MACROD2: variants seen among roughly 807,000 people sequenced by gnomAD.
The protein encoded by MACROD2 is mono-ADP ribosylhydrolase 2.
A neutral mutation model predicts 70.4 loss-of-function variants in MACROD2; 36 were observed. The ratio of observed to expected loss-of-function variants is 0.51; its 90% CI spans 0.39 to 0.68. MACROD2 has a LOEUF of 0.68. Ranked by LOEUF, MACROD2 falls within the 30% of genes least tolerant of loss-of-function variation. The probability of loss-of-function intolerance (pLI) is 0.00; values close to 1 mark genes in which losing one functional copy is unlikely to be tolerated. For synonymous variants in MACROD2, 172 were observed against 178.8 expected (o/e 0.96, Z 0.30); for missense variants, 496 against 538.4 (o/e 0.92, Z 0.78).
intron 5 of MACROD2, among the ~76,000 whole-genome samples, chr20:15,068,375 G>T (rs886974295): frequency 6.6e-6 from 1 of 152,150 alleles, no homozygotes; most frequent in African/African-American, 2.4e-5. Context: ...CCATTGGTGT[G>T]CACAGAACAA....
intron 8 of MACROD2, among the ~76,000 whole-genome samples, chr20:15,808,093 G>A (rs958811796): frequency 6.6e-4 from 100 of 151,984 alleles, no homozygotes; most frequent in African/African-American, 2.3e-3. Context: ...ACCCTGTCAC[G>A]CGGACCCCCT....
intron 3 of MACROD2, among the ~76,000 whole-genome samples, chr20:14,313,816 C>G (rs1414483612): frequency 6.6e-6 from 1 of 152,156 alleles, no homozygotes; most frequent in East Asian, 1.9e-4. Context: ...AGTGAATAGA[C>G]TGTCTCTCTC....
intron 8 of MACROD2, among the ~76,000 whole-genome samples, chr20:15,642,597 AACAC>A (rs56698663): frequency 0.097 from 14,241 of 146,912 alleles, 741 homozygotes; most frequent in Middle Eastern, 0.15. Flanking sequence ...ACCTGTCATG[AACAC>A]ACACACACAC....
chr20:15,561,394 A>G (rs970415241), intron 8 of MACROD2, among the ~76,000 whole-genome samples: 2 of 152,164 alleles, frequency 1.3e-5, no homozygotes, highest in East Asian at 3.9e-4. Flanking sequence ...TGATGTTGTC[A>G]TTTTGACTAC....
intron 8 of MACROD2, among the ~76,000 whole-genome samples, chr20:15,644,412 A>C (rs466379): frequency 0.024 from 3,686 of 152,180 alleles, 185 homozygotes; most frequent in East Asian, 0.2. Flanking sequence ...TAATTGTCAG[A>C]TGGGCCTGCA....
In MACROD2 at chr20:14,994,463, C is replaced by T. The variant is rs543261099; in HGVS notation, c.419-235477C>T. Among the ~76,000 whole-genome samples the T allele has an allele frequency of 2.6e-4, 40 of 152,050 alleles. 1 individual carries two copies. Among genetic ancestry groups the T allele is most frequent in the Middle Eastern group, 6.8e-3 (2 of 294 alleles). On this transcript the variant is annotated intron_variant, in intron 5 of 17. Transcript: ENST00000684519. ...TCACCTAACAGGAAGGCAGATGGCA[C>T]GGGAGCAGGTTGAAGAGTAGGGGAT...
At chr20:14,643,373 G>A (rs1464901736) in intron 4 of MACROD2, among the ~76,000 whole-genome samples, 2 of 152,118 alleles carry the variant, frequency 1.3e-5, no homozygotes, top group South Asian at 2.1e-4. Flanking sequence ...GTAACCCTGA[G>A]GCCTATCCAC....
chr20:15,707,622 A>G (rs1255574685), intron 8 of MACROD2, among the ~76,000 whole-genome samples: 13 of 152,144 alleles, frequency 8.5e-5, no homozygotes. Context: ...CGTCTCTACA[A>G]AAATACAAAA....
intron 8 of MACROD2, among the ~76,000 whole-genome samples, chr20:15,776,716 T>A (rs2051728136): frequency 6.6e-6 from 1 of 152,196 alleles, no homozygotes; most frequent in Admixed American, 6.5e-5. Flanking sequence ...TTTTCAAATC[T>A]GCCTAACAGC....
chr20:15,051,504 G>A (rs566854959), intron 5 of MACROD2, among the ~76,000 whole-genome samples: 4 of 151,994 alleles, frequency 2.6e-5, no homozygotes, highest in Admixed American at 6.6e-5. Context: ...GGCCGAAGCC[G>A]CAGTCTACAC....
chr20:14,339,511 G>C (rs1255841864), intron 3 of MACROD2, among the ~76,000 whole-genome samples: 1 of 152,172 alleles, frequency 6.6e-6, no homozygotes, highest in Admixed American at 6.5e-5. Flanking sequence ...TCAAATTCCT[G>C]TGGGTTTATA....
At chr20:14,100,174 GA>G (rs2054279298) in intron 3 of MACROD2, among the ~76,000 whole-genome samples, 1 of 151,684 alleles carries the variant, frequency 6.6e-6, no homozygotes, top group African/African-American at 2.4e-5. Flanking sequence ...AAGACAAAGG[GA>G]AAAAAGTTTT....
chr20:15,199,162 A>G (rs1196839166), intron 5 of MACROD2, among the ~76,000 whole-genome samples: 1 of 151,840 alleles, frequency 6.6e-6, no homozygotes, highest in Non-Finnish European at 1.5e-5. Flanking sequence ...CTTGAGTCCA[A>G]CCCGGCCAAT....
intron 4 of MACROD2, among the ~76,000 whole-genome samples, chr20:14,681,204 T>G (rs929378108): frequency 6.6e-6 from 1 of 152,192 alleles, no homozygotes; most frequent in Non-Finnish European, 1.5e-5. Flanking sequence ...TGGGGAAAAC[T>G]GTTATGTTAG....
chr20:14,665,299 A>AG (rs1223141036), intron 4 of MACROD2, among the ~76,000 whole-genome samples: 2 of 151,978 alleles, frequency 1.3e-5, no homozygotes. Context: ...GTCAAGAGTT[A>AG]GGGGGGTATT....
chr20:15,782,636 A>G (rs1218012158), intron 8 of MACROD2, among the ~76,000 whole-genome samples: 2 of 148,976 alleles, frequency 1.3e-5, no homozygotes, highest in Non-Finnish European at 1.5e-5. Flanking sequence ...TTCACCTTCA[A>G]ATTGGTCAAA....
chr20:15,166,109 A>T (rs2076381948), intron 5 of MACROD2, among the ~76,000 whole-genome samples: 1 of 152,182 alleles, frequency 6.6e-6, no homozygotes, highest in Non-Finnish European at 1.5e-5. Context: ...ATTGACTGCA[A>T]ATGGGCACGG....
chr20:15,620,110 A>G (rs189224645), intron 8 of MACROD2, among the ~76,000 whole-genome samples: 2 of 152,306 alleles, frequency 1.3e-5, no homozygotes, highest in Admixed American at 1.3e-4. Context: ...CCAGGACAGA[A>G]GGACACTCAG....
chr20:14,373,409 G>A (rs961130265), intron 3 of MACROD2, among the ~76,000 whole-genome samples: 1 of 152,068 alleles, frequency 6.6e-6, no homozygotes, highest in African/African-American at 2.4e-5. Flanking sequence ...AATGGCAAAT[G>A]TTATGAATTG....
Sources: allele counts gnomAD v4.1 joint callset (sites outside exome capture counted in the v4.1 genomes callset), GRCh38; gene constraint gnomAD v4.1.1; transcripts MANE v1.5; gene names NCBI Gene and HGNC (gene_info 2026-07-23, HGNC 2026-07-21).